Variants in SMIM41 observed in about 807,000 individuals in gnomAD.
SMIM41 encodes the protein small integral membrane protein 41.
Position 52,107,789 on chromosome 12 carries a change from T to G in SMIM41, c.*606T>G. On this transcript the variant is annotated 3_prime_UTR_variant, in exon 3 of 3. Transcript: ENST00000546390. ...CTAGTTTTGCTGTCTTTTTTTTTTCTCAGTCTTTTAGACTCCCAGCTGTAC... is the reference window on the plus strand; with the variant it reads ...CTAGTTTTGCTGTCTTTTTTTTTTCGCAGTCTTTTAGACTCCCAGCTGTAC... 1 of 377,018 alleles carries G rather than the reference T, an allele frequency of 2.7e-6. No individual in the cohort carries two copies. The highest frequency in any genetic ancestry group is 2.1e-5 in the South Asian group (1 of 47,572). The allele number at this position is 377,018 out of a possible 1,614,324, so 23.4% of individuals were successfully genotyped here. A position where few individuals can be genotyped will look rare whatever the true frequency, so the allele number is the denominator to read the frequency against.
chr12:52,103,416 A>G (rs1940261918), intron 2 of SMIM41, among the ~76,000 whole-genome samples: 1 of 152,074 alleles, frequency 6.6e-6, no homozygotes, highest in Non-Finnish European at 1.5e-5. Context: ...AGGCTGCAAC[A>G]TGGATGAACC....
intron 2 of SMIM41, among the ~76,000 whole-genome samples, chr12:52,089,589 G>A (rs974268087): frequency 3.8e-5 from 5 of 132,846 alleles, no homozygotes; most frequent in Non-Finnish European, 7.7e-5. Flanking sequence ...CAAGACCCCC[G>A]CCTTCAAAAA....
At chr12:52,097,500 C>T (rs774032881) in intron 2 of SMIM41, among the ~76,000 whole-genome samples, 2 of 152,052 alleles carry the variant, frequency 1.3e-5, no homozygotes, top group African/African-American at 2.4e-5. Context: ...ATATCAACCC[C>T]GGTCCCTCCC....
At position 52,083,890 on chromosome 12, in the gene SMIM41, C is replaced by T. The variant is rs146690430; in HGVS notation, c.*121-4C>T. 6.6e-6 allele frequency: 1 copy of T among 152,072 alleles called. No homozygotes were observed. The highest frequency in any genetic ancestry group is 2.4e-5 in the African/African-American group (1 of 41,444). The allele number at this position is 152,072 out of a possible 1,614,324, so 9.4% of individuals were successfully genotyped here. On this transcript the variant is annotated splice_region_variant and splice_polypyrimidine_tract_variant and intron_variant, in intron 1 of 2. Transcript: ENST00000546390. The stretch of plus-strand genomic sequence containing the variant: ...TTATTTTCCCTGAACCTGACCATTC[C>T]TAGAGAGGAGAAGAAGAGAAGAGGA...
intron 2 of SMIM41, among the ~76,000 whole-genome samples, chr12:52,086,301 G>T (rs1484341662): frequency 6.6e-6 from 1 of 152,044 alleles, no homozygotes; most frequent in Non-Finnish European, 1.5e-5. Context: ...CATCTGAGCT[G>T]CAACCACCAC....
chr12:52,089,889 A>G lies in SMIM41; in HGVS notation c.*195+5921A>G, dbSNP rs149697436. On this transcript the variant is annotated intron_variant, in intron 2 of 2. Coordinates refer to ENST00000546390, the MANE Select transcript of SMIM41 (RefSeq NM_001369216.1). Reference sequence around the variant, plus strand: ...TACATCTGCAATGATCCTACTTCCAAATAAGGTCACATCCTGAAGTACTCA... The same window carrying G: ...TACATCTGCAATGATCCTACTTCCAGATAAGGTCACATCCTGAAGTACTCA... Among the ~76,000 whole-genome samples the G allele has an allele frequency of 2.7e-3, 406 of 152,350 alleles. 1 individual carries two copies. The highest frequency in any genetic ancestry group is 9.5e-3 in the African/African-American group (393 of 41,580).
Position 52,107,500 on chromosome 12 carries a change from C to G in SMIM41, c.*317C>G. 1.2e-6 allele frequency: 1 copy of G among 856,464 alleles called. No individual in the cohort carries two copies. 53.1% of individuals were successfully genotyped at this position (856,464 alleles called of 1,614,324 possible). ...ATGAGCCCTGACTCCCACCTCCACA[C>G]CTCCATGTACTTCTTCCTCTCCAAC... On this transcript the variant is annotated 3_prime_UTR_variant, in exon 3 of 3. Coordinates refer to ENST00000546390, the MANE Select transcript of SMIM41 (RefSeq NM_001369216.1).
chr12:52,105,022 A>T (rs1377978963), intron 2 of SMIM41, among the ~76,000 whole-genome samples: 1 of 152,242 alleles, frequency 6.6e-6, no homozygotes, highest in East Asian at 1.9e-4. Flanking sequence ...CTTGTACCAG[A>T]TCATGAAGTC....
In SMIM41 at chr12:52,080,188, G is replaced by C. The variant is rs970405825; in HGVS notation, c.*120+7G>C. On this transcript the variant is annotated splice_region_variant and intron_variant, in intron 1 of 2. Coordinates refer to ENST00000546390, the MANE Select transcript of SMIM41 (RefSeq NM_001369216.1). Reference sequence around the variant, plus strand: ...AGCGGCGCGCCCCACACAGGTGAGAGGGAGGGTAGCAGGAGTGTGGGCGCG... The same window carrying C: ...AGCGGCGCGCCCCACACAGGTGAGACGGAGGGTAGCAGGAGTGTGGGCGCG... The C allele has an allele frequency of 3.1e-6, 1 of 320,296 alleles. No individual in the cohort carries two copies. The highest frequency in any genetic ancestry group is 1.6e-4 in the South Asian group (1 of 6,300). 19.8% of individuals were successfully genotyped at this position (320,296 alleles called of 1,614,324 possible).
At chr12:52,105,232 T>C (rs1406772018) in intron 2 of SMIM41, among the ~76,000 whole-genome samples, 1 of 152,206 alleles carries the variant, frequency 6.6e-6, no homozygotes, top group Non-Finnish European at 1.5e-5. Context: ...GTGTCAAGTA[T>C]AGAAAGGGCA....
At chr12:52,104,188 C>G (rs1289872970) in intron 2 of SMIM41, 1 of 151,112 alleles carries the variant, frequency 6.6e-6, no homozygotes, top group Non-Finnish European at 1.5e-5. Flanking sequence ...GGAAGAGCCC[C>G]AAAGCTTCTA....
At chr12:52,085,545 T>G (rs1027796755) in intron 2 of SMIM41, among the ~76,000 whole-genome samples, 7 of 152,196 alleles carry the variant, frequency 4.6e-5, no homozygotes, top group African/African-American at 1.7e-4. Context: ...CCGGCCTCCA[T>G]GTGAGGCAGG....
At chr12:52,089,924 C>T (rs1939968349) in intron 2 of SMIM41, among the ~76,000 whole-genome samples, 1 of 152,196 alleles carries the variant, frequency 6.6e-6, no homozygotes. Flanking sequence ...AGGGTTAGAA[C>T]TTTAGCACGT....
intron 2 of SMIM41, among the ~76,000 whole-genome samples, chr12:52,102,515 A>G (rs1283802746): frequency 6.6e-6 from 1 of 152,252 alleles, no homozygotes; most frequent in Non-Finnish European, 1.5e-5. Context: ...TATATAAAGA[A>G]CAGCCAGAAC....
intron 2 of SMIM41, among the ~76,000 whole-genome samples, chr12:52,100,446 T>C (rs1487884913): frequency 6.6e-6 from 1 of 151,144 alleles, no homozygotes; most frequent in Non-Finnish European, 1.5e-5. Context: ...AGAATGGGAG[T>C]AATATTTTCT....
intron 2 of SMIM41, among the ~76,000 whole-genome samples, chr12:52,106,489 C>T (rs545434633): frequency 6.6e-6 from 1 of 151,678 alleles, no homozygotes; most frequent in South Asian, 2.1e-4. Context: ...ACTACAGGTG[C>T]CCTCCGCCAT....
At chr12:52,099,529 G>A (rs887044786) in intron 2 of SMIM41, among the ~76,000 whole-genome samples, 4 of 152,058 alleles carry the variant, frequency 2.6e-5, no homozygotes, top group South Asian at 2.1e-4. Context: ...GTGTACATCC[G>A]TGCGATATTG....
At position 52,081,468 on chromosome 12, in the gene SMIM41, CA is replaced by C. The variant is rs1393502747; in HGVS notation, c.*120+1288del. Among the ~76,000 whole-genome samples, 14 of 152,250 alleles carry C rather than the reference CA, an allele frequency of 9.2e-5. No individual in the cohort carries two copies. The highest frequency in any genetic ancestry group is 3.4e-4 in the African/African-American group (14 of 41,546). On this transcript the variant is annotated intron_variant, in intron 1 of 2. Transcript: ENST00000546390. The surrounding 1 kb of genome is among the most constrained non-coding windows in gnomAD (Gnocchi z 4.1). ...TGGCACTAATCCTGGGCAGCGGCAC[CA>C]CACTGGCCTTGCTGAGCCAGGGACT...
intron 1 of SMIM41, among the ~76,000 whole-genome samples, chr12:52,083,545 G>A (rs1052696346): frequency 6.6e-6 from 1 of 152,192 alleles, no homozygotes; most frequent in Non-Finnish European, 1.5e-5. Context: ...GAGGGTGGGT[G>A]TGAAGTGGGG....
Sources: gnomAD v4.1 joint callset for allele counts (sites outside exome capture counted in the v4.1 genomes callset) on GRCh38, gnomAD v4.1.1 for gene constraint, Gnocchi (gnomAD v3.1) non-coding constraint, MANE v1.5 for transcripts, NCBI Gene and HGNC (gene_info 2026-07-23, HGNC 2026-07-21) for gene names.